The following PICALM variants were observed in gnomAD, a reference collection of about 807,000 sequenced individuals.
The protein encoded by PICALM is phosphatidylinositol-binding clathrin assembly protein.
A neutral mutation model predicts 80.5 loss-of-function variants in PICALM; 40 were observed. The observed-to-expected ratio is 0.50, with a 90% confidence interval of 0.39 to 0.65. PICALM has a LOEUF of 0.65. PICALM is among the 30% of genes least tolerant of loss of function. The pLI is 0.00. For synonymous variants in PICALM, 288 were observed against 260.3 expected, an observed-to-expected ratio of 1.11 and a Z score of -1.02; for missense variants, 676 against 778.9, an observed-to-expected ratio of 0.87 and a Z score of 1.57.
Position 86,057,647 on chromosome 11 carries a change from T to G in PICALM, c.130+11004A>C, listed in dbSNP as rs74809211. On this transcript the variant is annotated intron_variant, in intron 1 of 19. Transcript: ENST00000393346. ...TCCATATCAATGGGTTCCATTATCA[T>G]GGATTCAATCATGAATCGAAAATAT... 1.8e-4 allele frequency among the ~76,000 whole-genome samples: 27 copies of G among 152,330 alleles called. No homozygotes were observed. The East Asian group carries it at 5.0e-3, about 28-fold the overall frequency.
intron 1 of PICALM, among the ~76,000 whole-genome samples, chr11:86,054,330 T>A (rs1427527928): frequency 6.6e-6 from 1 of 152,186 alleles, no homozygotes; most frequent in African/African-American, 2.4e-5. Context: ...AGCACTGGTA[T>A]CTAAAGCTAG....
intron 1 of PICALM, among the ~76,000 whole-genome samples, chr11:86,048,811 T>C (rs1714364418): frequency 7.7e-6 from 1 of 129,984 alleles, no homozygotes; most frequent in African/African-American, 3.1e-5. Context: ...TTCAGCCTCC[T>C]GGGGAGTAAG....
In PICALM at chr11:85,981,785, G is replaced by A. The variant is rs755822531; in HGVS notation, c.1649-10C>T. ...TTTCCGATGCCAAGATCTAGGAAAG[G>A]AGAAAAACAAAAAAGCATTTTATAA... On this transcript the variant is annotated splice_polypyrimidine_tract_variant and intron_variant, in intron 15 of 19. Transcript: ENST00000393346. 2.7e-5 allele frequency: 44 copies of A among 1,612,506 alleles called. No individual in the cohort carries two copies. The highest frequency in any genetic ancestry group is 3.6e-5 in the Non-Finnish European group (42 of 1,178,768).
At chr11:86,027,295 T>C (rs1217569349) in intron 2 of PICALM, among the ~76,000 whole-genome samples, 1 of 152,202 alleles carries the variant, frequency 6.6e-6, no homozygotes, top group Non-Finnish European at 1.5e-5. Context: ...TAAAAGCTCA[T>C]CTTCTCAATA....
intron 12 of PICALM, among the ~76,000 whole-genome samples, chr11:85,995,202 T>C (rs1362675430): frequency 6.6e-6 from 1 of 152,186 alleles, no homozygotes. Flanking sequence ...AAGCCAAATA[T>C]CCTTATATGA....
At chr11:86,045,519 CAAAAAAAAAA>C (rs71040207) in intron 1 of PICALM, among the ~76,000 whole-genome samples, 16 of 47,802 alleles carry the variant, frequency 3.3e-4, no homozygotes, top group South Asian at 1.3e-3. Context: ...TCTTGAAATT[CAAAAAAAAAA>C]AAAAAAAAAA....
At chr11:86,032,706 T>C (rs2095778362) in intron 1 of PICALM, among the ~76,000 whole-genome samples, 1 of 152,148 alleles carries the variant, frequency 6.6e-6, no homozygotes, top group Non-Finnish European at 1.5e-5. Flanking sequence ...TTTTAAAATA[T>C]ATATAAAATG....
chr11:86,043,611 C>T (rs905498903), intron 1 of PICALM, among the ~76,000 whole-genome samples: 1 of 152,144 alleles, frequency 6.6e-6, no homozygotes, highest in Non-Finnish European at 1.5e-5. Flanking sequence ...TTTGTATCTT[C>T]CACAATGTGA....
rs370710573 is a variant in PICALM at position 85,974,796 on chromosome 11, C to A, written c.1856G>T (p.Ser619Ile). 18 of 1,612,878 alleles carry A rather than the reference C, an allele frequency of 1.1e-5. No homozygotes were observed. Among genetic ancestry groups the A allele is most frequent in the Non-Finnish European group, 1.4e-5 (17 of 1,178,896 alleles). The change falls in exon 19 of 20, where the codon AGT becomes ATT. Residue 619 changes from serine to isoleucine, a missense_variant. Coordinates refer to ENST00000393346, the MANE Select transcript of PICALM (RefSeq NM_007166.4). ...IGYGIPPQMG[S>I]VPVMTQPTLI... ...GGTTGGTTGCGTCATTACAGGAACA[C>A]TTCCCATTTGTGGAGGCTAAAAAAG...
chr11:85,981,315 G>C, intron 16 of PICALM, 87 bp from the exon 17 acceptor site: 3 of 789,762 alleles, frequency 3.8e-6, no homozygotes, highest in Non-Finnish European at 6.3e-6. Flanking sequence ...GAGTAAGATA[G>C]AGACTTGAGG....
chr11:86,054,603 C>T (rs1221424835), intron 1 of PICALM, among the ~76,000 whole-genome samples: 2 of 152,054 alleles, frequency 1.3e-5, no homozygotes, highest in Admixed American at 6.5e-5. Flanking sequence ...TTCCTGTTAC[C>T]TCCCCTCTGT....
At chr11:85,963,457 T>C (rs1565196661) in intron 19 of PICALM, among the ~76,000 whole-genome samples, 1 of 152,244 alleles carries the variant, frequency 6.6e-6, no homozygotes, top group Non-Finnish European at 1.5e-5. Context: ...AAAATTGGTA[T>C]AGCTATCAGT....
At chr11:86,057,490 A>T (rs2096287359) in intron 1 of PICALM, among the ~76,000 whole-genome samples, 2 of 152,174 alleles carry the variant, frequency 1.3e-5, no homozygotes, top group Non-Finnish European at 2.9e-5. Flanking sequence ...AGGAGCTGAG[A>T]TCGTGCCATT....
chr11:85,981,114 GCT>G lies in PICALM; in HGVS notation c.1779+13_1779+14del, dbSNP rs750877404. Reference sequence around the variant, plus strand: ...TTATTCAACTGTTAGTCTATCAGGAGCTTTTTCAACTCACCATTGTTGCAGCA... The same window carrying G: ...TTATTCAACTGTTAGTCTATCAGGAGTTTTCAACTCACCATTGTTGCAGCA... On this transcript the variant is annotated intron_variant, in intron 17 of 19. Coordinates refer to ENST00000393346, the MANE Select transcript of PICALM (RefSeq NM_007166.4). 2.4e-6 allele frequency: 3 copies of G among 1,268,172 alleles called. No homozygotes were observed. The Admixed American group carries it at 5.2e-5, about 22-fold the overall frequency. The allele number at this position is 1,268,172 out of a possible 1,614,324, so 78.6% of individuals were successfully genotyped here.
At chr11:86,057,732 A>G (rs1309590366) in intron 1 of PICALM, among the ~76,000 whole-genome samples, 28 of 152,190 alleles carry the variant, frequency 1.8e-4, no homozygotes, top group Non-Finnish European at 4.4e-5. Context: ...ATCATTCCCT[A>G]AACAATACAG....
At chr11:86,012,175 A>C (rs1241623857) in intron 6 of PICALM, 106 bp downstream of exon 6, 7 of 524,556 alleles carry the variant, frequency 1.3e-5, no homozygotes, top group Non-Finnish European at 2.0e-5. Context: ...CAATGAATGA[A>C]TATATCATAA....
At chr11:86,021,320 A>G (rs1408314717) in intron 4 of PICALM, among the ~76,000 whole-genome samples, 1 of 152,132 alleles carries the variant, frequency 6.6e-6, no homozygotes, top group Non-Finnish European at 1.5e-5. Context: ...CACTGTCTCA[A>G]AAAGTGAAAA....
At chr11:86,065,068 C>T (rs1326745440) in intron 1 of PICALM, among the ~76,000 whole-genome samples, 1 of 151,844 alleles carries the variant, frequency 6.6e-6, no homozygotes, top group Non-Finnish European at 1.5e-5. Flanking sequence ...CAGAGCAAGA[C>T]CCTGTATCCA....
intron 1 of PICALM, among the ~76,000 whole-genome samples, chr11:86,059,797 T>C (rs2096328893): frequency 6.6e-6 from 1 of 152,044 alleles, no homozygotes; most frequent in South Asian, 2.1e-4. Context: ...GGCTAACGGT[T>C]TGGTAGTCAA....
Sources: allele counts gnomAD v4.1 joint callset (sites outside exome capture counted in the v4.1 genomes callset), GRCh38; gene constraint gnomAD v4.1.1; transcripts MANE v1.5; gene names NCBI Gene and HGNC (gene_info 2026-07-23, HGNC 2026-07-21).